CALN1: variants seen among roughly 807,000 people sequenced by gnomAD.
CALN1 encodes the protein calneuron 1.
CALN1 carries 17 observed loss-of-function variants against 30.6 expected under a neutral mutation model. The ratio of observed to expected loss-of-function variants is 0.56; its 90% confidence interval spans 0.38 to 0.83. The LOEUF (loss-of-function observed/expected upper bound fraction) is 0.83, where lower values mean the gene tolerates loss of function less well. Ranked by LOEUF, CALN1 falls within the 40% of genes least tolerant of loss-of-function variation. The pLI is 0.00. For synonymous variants in CALN1, 156 were observed against 131.4 expected (o/e 1.19, Z -1.28); for missense variants, 291 against 354.9 (o/e 0.82, Z 1.45).
intron 1 of CALN1, among the ~76,000 whole-genome samples, chr7:72,430,719 T>C (rs1375129008): frequency 6.6e-6 from 1 of 152,174 alleles, no homozygotes; most frequent in Non-Finnish European, 1.5e-5. Flanking sequence ...GGACCCGGTC[T>C]GGCTGTACCT....
chr7:72,339,528 G>A (rs1307565588), intron 2 of CALN1, among the ~76,000 whole-genome samples: 1 of 152,172 alleles, frequency 6.6e-6, no homozygotes, highest in Non-Finnish European at 1.5e-5. Context: ...TAAGCAAGAA[G>A]GTAATTTTAG....
the CALN1 span, among the ~76,000 whole-genome samples, chr7:72,491,235 A>AC: frequency 2.7e-5 from 4 of 150,218 alleles, no homozygotes; most frequent in African/African-American, 4.9e-5. Flanking sequence ...TCAAAAAAAA[A>AC]AAAAACAAAA....
chr7:71,851,660 G>A (rs1057085869), intron 5 of CALN1, among the ~76,000 whole-genome samples: 1 of 151,948 alleles, frequency 6.6e-6, no homozygotes. Context: ...TAGGAATAGA[G>A]GTGGAATAGG....
intron 5 of CALN1, among the ~76,000 whole-genome samples, chr7:71,981,703 G>C (rs541705194): frequency 1.7e-4 from 26 of 152,094 alleles, no homozygotes; most frequent in Admixed American, 1.0e-3. Flanking sequence ...ACAGGGTTCA[G>C]TTTGGGGAGC....
chr7:72,086,224 G>C (rs1040479729), intron 4 of CALN1, among the ~76,000 whole-genome samples: 9 of 152,072 alleles, frequency 5.9e-5, no homozygotes, highest in African/African-American at 2.2e-4. Flanking sequence ...ACTAAATATT[G>C]TTAAAGAACT....
At chr7:72,299,044 C>A (rs530531659) in intron 2 of CALN1, among the ~76,000 whole-genome samples, 1 of 152,136 alleles carries the variant, frequency 6.6e-6, no homozygotes, top group Non-Finnish European at 1.5e-5. Flanking sequence ...CCTAACCAGG[C>A]ACTTGTGTCA....
rs188765538 is a variant in CALN1, at chr7:72,270,897, A to G, written c.244+7789T>C. Among the ~76,000 whole-genome samples, 209 of 152,368 alleles carry G rather than the reference A, an allele frequency of 1.4e-3. 1 individual carries two copies. Among genetic ancestry groups the G allele is most frequent in the Admixed American group, 3.4e-3 (52 of 15,304 alleles). On this transcript the variant is annotated intron_variant, in intron 3 of 6. Coordinates refer to ENST00000395275, the MANE Select transcript of CALN1 (RefSeq NM_031468.4). ...GTGGGTGGATCATAGATGAAACCCA[A>G]TAAGATCAGCTCCAGTGAATGCTGT...
At chr7:71,989,379 C>T (rs973022004) in intron 5 of CALN1, among the ~76,000 whole-genome samples, 2 of 150,960 alleles carry the variant, frequency 1.3e-5, no homozygotes, top group Non-Finnish European at 2.9e-5. Flanking sequence ...CGGAGGTTTG[C>T]AGTGAGCAGA....
intron 6 of CALN1, among the ~76,000 whole-genome samples, chr7:71,798,632 T>TC (rs1220203435): frequency 6.7e-6 from 1 of 148,888 alleles, no homozygotes; most frequent in East Asian, 2.0e-4. Context: ...TTTTTTTTTT[T>TC]TTCTTCTCAG....
intron 2 of CALN1, among the ~76,000 whole-genome samples, chr7:72,311,651 A>ATTTTTTTTTTTTTTTTTT (rs56197069): frequency 4.3e-4 from 21 of 48,532 alleles, no homozygotes; most frequent in African/African-American, 8.0e-4. Flanking sequence ...CCTGGCTGAG[A>ATTTTTTTTTTTTTTTTTT]TTTTTTTTTT....
At chr7:71,972,863 G>A (rs1208482723) in intron 5 of CALN1, among the ~76,000 whole-genome samples, 2 of 152,130 alleles carry the variant, frequency 1.3e-5, no homozygotes, top group Non-Finnish European at 2.9e-5. Context: ...GGCAGAGTGT[G>A]ATCTCTTGCG....
chr7:72,034,223 G>A (rs1307251147), intron 4 of CALN1, among the ~76,000 whole-genome samples: 9 of 151,776 alleles, frequency 5.9e-5, no homozygotes, highest in Non-Finnish European at 1.0e-4. Flanking sequence ...GCGTGGTGGC[G>A]GGCGCCTGTA....
chr7:72,172,403 T>C lies in CALN1; in HGVS notation c.245-66109A>G, dbSNP rs556734301. Among the ~76,000 whole-genome samples, 6 of 152,328 alleles carry C rather than the reference T, an allele frequency of 3.9e-5. No individual in the cohort carries two copies. In the East Asian group the frequency reaches 1.2e-3, roughly 29 times the overall value. ...GAAGACTTAGAGCCAGAAGGCTCAC[T>C]AGTCAGTCTTGCATAGCCCTGGTGC... On this transcript the variant is annotated intron_variant, in intron 3 of 6. Transcript: ENST00000395275.
chr7:71,856,383 G>A (rs982476752), intron 5 of CALN1, among the ~76,000 whole-genome samples: 10 of 151,878 alleles, frequency 6.6e-5, no homozygotes, highest in Non-Finnish European at 1.3e-4. Context: ...TGACCTCCAG[G>A]GCTCAAGCAA....
chr7:71,986,578 C>T (rs1434247641), intron 5 of CALN1, among the ~76,000 whole-genome samples: 1 of 152,062 alleles, frequency 6.6e-6, no homozygotes, highest in Non-Finnish European at 1.5e-5. Flanking sequence ...GTTTACACTA[C>T]ACACCTACAT....
intron 3 of CALN1, among the ~76,000 whole-genome samples, chr7:72,191,158 T>A (rs1341617402): frequency 6.6e-6 from 1 of 152,198 alleles, no homozygotes; most frequent in Non-Finnish European, 1.5e-5. Flanking sequence ...AATAAAGTCA[T>A]GCGAGCAGGC....
chr7:72,168,772 C>G (rs991871909), intron 3 of CALN1, among the ~76,000 whole-genome samples: 1 of 150,782 alleles, frequency 6.6e-6, no homozygotes, highest in African/African-American at 2.4e-5. Flanking sequence ...CTGAGAAACA[C>G]TTCAAGGATG....
In CALN1 at chr7:72,278,678, C is replaced by T; in HGVS notation, c.244+8G>A. ...GGGCCATCCCCCCAAACAGGGTAGG[C>T]TCCTTACCATCGAGCTCCTCCACGG... On this transcript the variant is annotated splice_region_variant and intron_variant, in intron 3 of 6. Transcript: ENST00000395275. 2 of 1,611,784 alleles carry T rather than the reference C, an allele frequency of 1.2e-6. No homozygotes were observed. Among genetic ancestry groups the T allele is most frequent in the Non-Finnish European group, 1.7e-6 (2 of 1,178,158 alleles).
At chr7:72,189,234 T>C (rs1350875675) in intron 3 of CALN1, among the ~76,000 whole-genome samples, 1 of 152,086 alleles carries the variant, frequency 6.6e-6, no homozygotes, top group African/African-American at 2.4e-5. Context: ...TCCTTTGGGG[T>C]TGATGTCAGG....
Sources: gnomAD v4.1 joint callset for allele counts (sites outside exome capture counted in the v4.1 genomes callset) on GRCh38, gnomAD v4.1.1 for gene constraint, MANE v1.5 for transcripts, NCBI Gene and HGNC (gene_info 2026-07-23, HGNC 2026-07-21) for gene names.